KATNAL1: variants seen among roughly 807,000 people sequenced by gnomAD.
The protein encoded by KATNAL1 is katanin p60 ATPase-containing subunit A-like 1.
KATNAL1 carries 32 observed loss-of-function variants against 55.2 expected under a neutral mutation model. The observed-to-expected ratio is 0.58, with a 90% CI of 0.44 to 0.78. The LOEUF (loss-of-function observed/expected upper bound fraction) is 0.78. KATNAL1 is among the 30% of genes least tolerant of loss of function. The probability of loss-of-function intolerance (pLI) is 0.00; values close to 1 mark genes in which losing one functional copy is unlikely to be tolerated. For synonymous variants in KATNAL1, 193 were observed against 193.6 expected, an observed-to-expected ratio of 1.00 and a Z score of 0.02; for missense variants, 466 against 600.9, an observed-to-expected ratio of 0.78 and a Z score of 2.35.
intron 1 of KATNAL1, among the ~76,000 whole-genome samples, chr13:30,303,373 T>C (rs1882981191): frequency 6.6e-6 from 1 of 152,220 alleles, no homozygotes; most frequent in African/African-American, 2.4e-5. Context: ...GACTACCATA[T>C]ATAAGTATAG....
chr13:30,225,480 G>A (rs1875362518), intron 9 of KATNAL1, among the ~76,000 whole-genome samples: 2 of 152,220 alleles, frequency 1.3e-5, no homozygotes, highest in Admixed American at 1.3e-4. Flanking sequence ...AACCATATGT[G>A]TGTGTATTTA....
At chr13:30,285,023 G>A (rs1265122762) in intron 1 of KATNAL1, among the ~76,000 whole-genome samples, 1 of 152,178 alleles carries the variant, frequency 6.6e-6, no homozygotes, top group African/African-American at 2.4e-5. Flanking sequence ...GCCTTCTTCA[G>A]GGAATTAAAC....
intron 4 of KATNAL1, among the ~76,000 whole-genome samples, chr13:30,250,759 C>A (rs975591631): frequency 6.6e-6 from 1 of 152,190 alleles, no homozygotes; most frequent in Non-Finnish European, 1.5e-5. Context: ...AATCTGAATT[C>A]TATTTAGAAG....
rs1446329115 is a variant in KATNAL1 at position 30,205,859 on chromosome 13, G to A, written c.*2681C>T. ...TGTGTGTGTGTATGTGTGTGTATGT[G>A]TGTCTGTCTCACGCCTGTAATCCTA... On this transcript the variant is annotated 3_prime_UTR_variant, in exon 11 of 11. Coordinates refer to ENST00000380615, the MANE Select transcript of KATNAL1 (RefSeq NM_032116.5). The A allele has an allele frequency of 1.3e-5, 2 of 151,072 alleles. No homozygotes were observed. Among genetic ancestry groups the A allele is most frequent in the African/African-American group, 2.5e-5 (1 of 39,388 alleles). The allele number at this position is 151,072 out of a possible 1,614,324, so 9.4% of individuals were successfully genotyped here. A position where few individuals can be genotyped will look rare whatever the true frequency, so the allele number is the denominator to read the frequency against.
At chr13:30,225,486 AT>A in intron 9 of KATNAL1, among the ~76,000 whole-genome samples, 1 of 152,358 alleles carries the variant, frequency 6.6e-6, no homozygotes. Flanking sequence ...ATGTGTGTGT[AT>A]TTAAAATACA....
chr13:30,296,992 A>G (rs1284323839), intron 1 of KATNAL1, among the ~76,000 whole-genome samples: 1 of 148,260 alleles, frequency 6.7e-6, no homozygotes, highest in East Asian at 1.9e-4. Flanking sequence ...TAGGGACAAG[A>G]AAAAAAAAAT....
chr13:30,280,140 TG>T lies in KATNAL1; in HGVS notation c.245del (p.Pro82GlnfsTer39). The T allele has an allele frequency of 6.2e-7, 1 of 1,613,636 alleles. No individual in the cohort carries two copies. Among genetic ancestry groups the T allele is most frequent in the Non-Finnish European group, 8.5e-7 (1 of 1,179,740 alleles). ...TLESFKIDKP[P>X]DFPVSCQDEP... ...CATCTTGACAGGACACAGGGAAATC[TG>T]GAGGCTTGTCAATTTTAAAACTTTC... On this transcript the variant is annotated frameshift_variant, in exon 3 of 11. Coordinates refer to ENST00000380615, the MANE Select transcript of KATNAL1 (RefSeq NM_032116.5). LOFTEE classifies it high-confidence loss of function.
chr13:30,276,101 A>C (rs928273152), intron 3 of KATNAL1, among the ~76,000 whole-genome samples: 3 of 152,198 alleles, frequency 2.0e-5, no homozygotes, highest in Admixed American at 1.3e-4. Context: ...AATGAGCTAG[A>C]GACTTCATCT....
At chr13:30,299,865 G>C (rs548905742) in intron 1 of KATNAL1, among the ~76,000 whole-genome samples, 1 of 152,102 alleles carries the variant, frequency 6.6e-6, no homozygotes. Context: ...TCTGGTTCCA[G>C]ATAATTATTT....
chr13:30,242,056 T>C (rs1243341129), intron 4 of KATNAL1, among the ~76,000 whole-genome samples: 1 of 152,054 alleles, frequency 6.6e-6, no homozygotes, highest in Non-Finnish European at 1.5e-5. Context: ...AAACATAACA[T>C]CAACAAACTT....
At chr13:30,291,326 C>CA (rs965122424) in intron 1 of KATNAL1, among the ~76,000 whole-genome samples, 1 of 151,990 alleles carries the variant, frequency 6.6e-6, no homozygotes, top group African/African-American at 2.4e-5. Context: ...TAAAATCATC[C>CA]AAAAAATATT....
intron 1 of KATNAL1, among the ~76,000 whole-genome samples, chr13:30,290,609 A>G (rs1172605388): frequency 6.6e-6 from 1 of 152,104 alleles, no homozygotes; most frequent in Non-Finnish European, 1.5e-5. Context: ...AGCCAGTGTT[A>G]GCCTTACACC....
At chr13:30,265,437 A>T (rs553326706) in intron 3 of KATNAL1, among the ~76,000 whole-genome samples, 1 of 151,834 alleles carries the variant, frequency 6.6e-6, no homozygotes, top group African/African-American at 2.4e-5. Context: ...GCATTCCCTC[A>T]TTATCTAAGC....
intron 3 of KATNAL1, among the ~76,000 whole-genome samples, chr13:30,278,150 G>A (rs1002633510): frequency 2.6e-5 from 4 of 151,712 alleles, no homozygotes; most frequent in African/African-American, 9.7e-5. Context: ...TCCTTCTCTA[G>A]TAGAACCTTG....
Position 30,284,786 on chromosome 13 carries a change from G to A in KATNAL1, c.-14-995C>T, listed in dbSNP as rs541381924. ...CTCTAGATTTCTGGCTTCCACCAAA[G>A]CTCTCCAGTCCAGTAATTCTGGCTT... On this transcript the variant is annotated intron_variant, in intron 1 of 10. Coordinates refer to ENST00000380615, the MANE Select transcript of KATNAL1 (RefSeq NM_032116.5). Among the ~76,000 whole-genome samples the A allele has an allele frequency of 9.4e-4, 143 of 152,280 alleles. 2 individuals are homozygous for A. The highest frequency in any genetic ancestry group is 3.3e-3 in the African/African-American group (138 of 41,560).
At position 30,203,970 on chromosome 13, in the gene KATNAL1, T is replaced by G. The variant is rs1410751313; in HGVS notation, c.*4570A>C. On this transcript the variant is annotated 3_prime_UTR_variant, in exon 11 of 11. Coordinates refer to ENST00000380615, the MANE Select transcript of KATNAL1 (RefSeq NM_032116.5). Reference sequence around the variant, plus strand: ...TAATTACAACAGAGTTTTTAGCTTTTTCTGTAAAAATAGTTAGTGGAGATG... The same window carrying G: ...TAATTACAACAGAGTTTTTAGCTTTGTCTGTAAAAATAGTTAGTGGAGATG... 6.6e-6 allele frequency: 1 copy of G among 152,190 alleles called. No homozygotes were observed. The highest frequency in any genetic ancestry group is 2.4e-5 in the African/African-American group (1 of 41,454). The allele number at this position is 152,190 out of a possible 1,614,324, so 9.4% of individuals were successfully genotyped here.
chr13:30,234,237 C>T (rs778108029), intron 6 of KATNAL1, among the ~76,000 whole-genome samples: 23 of 152,010 alleles, frequency 1.5e-4, no homozygotes, highest in Non-Finnish European at 2.9e-4. Flanking sequence ...AAAATTGAGA[C>T]AAAAAAATTC....
In KATNAL1 at chr13:30,298,950, A is replaced by G. The variant is rs546172360; in HGVS notation, c.-15+8381T>C. On this transcript the variant is annotated intron_variant, in intron 1 of 10. Transcript: ENST00000380615. ...AATTTTCCAAAACTAACAGAAGACAATAATTTTCAGTTTCAAAGCAAATCA... is the reference window on the plus strand; with the variant it reads ...AATTTTCCAAAACTAACAGAAGACAGTAATTTTCAGTTTCAAAGCAAATCA... Among the ~76,000 whole-genome samples, 24 of 152,324 alleles carry G rather than the reference A, an allele frequency of 1.6e-4. 1 individual carries two copies. In the East Asian group the frequency reaches 3.5e-3, roughly 22 times the overall value.
At chr13:30,270,589 A>G (rs1880257523) in intron 3 of KATNAL1, among the ~76,000 whole-genome samples, 1 of 151,966 alleles carries the variant, frequency 6.6e-6, no homozygotes, top group African/African-American at 2.4e-5. Context: ...AAAAATTCTT[A>G]TCCTGTTGAT....
Sources: allele counts gnomAD v4.1 joint callset (sites outside exome capture counted in the v4.1 genomes callset), GRCh38; gene constraint gnomAD v4.1.1; transcripts MANE v1.5; gene names NCBI Gene and HGNC (gene_info 2026-07-23, HGNC 2026-07-21).